The following ATP8B4 variants were observed in gnomAD, a reference collection of about 807,000 sequenced individuals.
ATP8B4 encodes the protein probable phospholipid-transporting ATPase IM.
A neutral mutation model predicts 145.6 loss-of-function variants in ATP8B4; 133 were observed. The ratio of observed to expected loss-of-function variants is 0.91; its 90% CI spans 0.79 to 1.05. ATP8B4 has a LOEUF of 1.05. Among genes scored for constraint, ATP8B4 ranks in the 50% least tolerant of loss-of-function variants. The pLI is 0.00. For missense variants in ATP8B4, 1,458 were observed against 1,425.2 expected (o/e 1.02, Z -0.37); for synonymous variants, 507 against 492.9 (o/e 1.03, Z -0.38).
intron 3 of ATP8B4, among the ~76,000 whole-genome samples, chr15:50,064,788 C>T (rs1271939701): frequency 6.6e-6 from 1 of 152,142 alleles, no homozygotes; most frequent in African/African-American, 2.4e-5. Context: ...CCTTAAGAAA[C>T]TTGCAATCAT....
At chr15:50,078,538 G>T (rs565715305) in intron 2 of ATP8B4, among the ~76,000 whole-genome samples, 8 of 151,484 alleles carry the variant, frequency 5.3e-5, no homozygotes, top group African/African-American at 1.5e-4. Flanking sequence ...ACAAACAGGA[G>T]GAAAATGTGA....
chr15:49,954,670 A>C (rs978356180), intron 14 of ATP8B4, among the ~76,000 whole-genome samples: 13 of 152,168 alleles, frequency 8.5e-5, no homozygotes, highest in African/African-American at 2.7e-4. Flanking sequence ...AAAATCAAAA[A>C]ACAACAGCCA....
chr15:50,147,090 T>C (rs2044286928), intron 1 of ATP8B4, among the ~76,000 whole-genome samples: 1 of 152,116 alleles, frequency 6.6e-6, no homozygotes, highest in South Asian at 2.1e-4. Flanking sequence ...GGTTACGAAG[T>C]TAGAGGTATC....
intron 6 of ATP8B4, among the ~76,000 whole-genome samples, chr15:50,013,964 A>C (rs1053789998): frequency 2.6e-5 from 4 of 152,182 alleles, no homozygotes; most frequent in South Asian, 2.1e-4. Context: ...TCACTAGACT[A>C]TTGCTTTCAG....
At chr15:50,134,190 T>C (rs1013437103) in intron 1 of ATP8B4, among the ~76,000 whole-genome samples, 1 of 150,340 alleles carries the variant, frequency 6.7e-6, no homozygotes, top group Non-Finnish European at 1.5e-5. Context: ...GAGAGGGAAA[T>C]GGAAAAAAAG....
chr15:50,119,752 C>CTTTTTTTTT (rs572570694), upstream of ATP8B4, among the ~76,000 whole-genome samples: 290 of 91,564 alleles, frequency 3.2e-3, 12 homozygotes, highest in African/African-American at 0.012. Flanking sequence ...GTTTTTGTCA[C>CTTTTTTTTT]TTTTTTTTTT....
chr15:50,156,144 A>ATG (rs1384046845), intron 1 of ATP8B4, among the ~76,000 whole-genome samples: 1 of 34,914 alleles, frequency 2.9e-5, no homozygotes, highest in Non-Finnish European at 5.8e-5. Context: ...ATATAAATAT[A>ATG]TATATATATA....
chr15:49,867,781 G>T (rs1048489334), intron 25 of ATP8B4, among the ~76,000 whole-genome samples: 4 of 152,134 alleles, frequency 2.6e-5, no homozygotes, highest in Non-Finnish European at 5.9e-5. Context: ...GTAAGAAGAT[G>T]CAATTAGGTC....
At chr15:50,118,007 G>C (rs146435437) in intron 1 of ATP8B4, among the ~76,000 whole-genome samples, 1 of 152,184 alleles carries the variant, frequency 6.6e-6, no homozygotes, top group Non-Finnish European at 1.5e-5. Flanking sequence ...GGAAGGGGAA[G>C]AGGAAGAAGG....
chr15:50,108,861 G>C lies in ATP8B4; in HGVS notation c.-42-1853C>G, dbSNP rs138954982. The stretch of plus-strand genomic sequence containing the variant: ...TCTTTTAGGACAAGGCTCCATAGCT[G>C]TATCTCCAGCATCTAATGCCTGTCT... On this transcript the variant is annotated intron_variant, in intron 1 of 27. Transcript: ENST00000284509. 1.7e-3 allele frequency among the ~76,000 whole-genome samples: 261 copies of C among 152,266 alleles called. 6 individuals carry two copies. Among genetic ancestry groups the C allele is most frequent in the East Asian group, 0.015 (79 of 5,188 alleles).
At chr15:50,018,730 C>T (rs754098916) in intron 6 of ATP8B4, among the ~76,000 whole-genome samples, 24 of 152,146 alleles carry the variant, frequency 1.6e-4, no homozygotes, top group South Asian at 4.1e-4. Context: ...TGAGCTCATC[C>T]GAAAACTATA....
At chr15:49,871,265 T>A (rs1270162704) in intron 25 of ATP8B4, among the ~76,000 whole-genome samples, 1 of 152,238 alleles carries the variant, frequency 6.6e-6, no homozygotes, top group African/African-American at 2.4e-5. Context: ...TATGGCACAG[T>A]ATCCAGTGTT....
At chr15:49,942,454 T>G (rs2042234306) in intron 14 of ATP8B4, among the ~76,000 whole-genome samples, 1 of 151,616 alleles carries the variant, frequency 6.6e-6, no homozygotes, top group Non-Finnish European at 1.5e-5. Context: ...TAAAATAACA[T>G]GGCAGTCTTC....
At chr15:50,050,951 C>T (rs967453043) in intron 3 of ATP8B4, among the ~76,000 whole-genome samples, 1 of 152,102 alleles carries the variant, frequency 6.6e-6, no homozygotes, top group Non-Finnish European at 1.5e-5. Context: ...CCTACACTGG[C>T]TCCTAGCCAT....
chr15:49,989,784 G>A (rs1407440997), intron 9 of ATP8B4, among the ~76,000 whole-genome samples: 1 of 151,998 alleles, frequency 6.6e-6, no homozygotes, highest in Non-Finnish European at 1.5e-5. Context: ...AGAAGTGCTC[G>A]GCTTCCCCTT....
intron 2 of ATP8B4, among the ~76,000 whole-genome samples, chr15:50,079,217 C>A (rs142651167): frequency 1.3e-5 from 2 of 151,890 alleles, no homozygotes; most frequent in Admixed American, 1.3e-4. Flanking sequence ...CTACTATGTA[C>A]TCACAAAAAT....
At chr15:50,138,326 G>GGTAGA (rs2044154929) in intron 1 of ATP8B4, among the ~76,000 whole-genome samples, 27 of 148,226 alleles carry the variant, frequency 1.8e-4, no homozygotes, top group African/African-American at 6.1e-4. Flanking sequence ...AGATAGATAG[G>GGTAGA]TAGATAGATA....
intron 3 of ATP8B4, among the ~76,000 whole-genome samples, chr15:50,067,346 G>C (rs2053450990): frequency 6.6e-6 from 1 of 152,086 alleles, no homozygotes; most frequent in South Asian, 2.1e-4. Context: ...TAAATAGTCT[G>C]TTCTCACCTA....
chr15:50,156,680 A>G (rs2140827386), intron 1 of ATP8B4, among the ~76,000 whole-genome samples: 1 of 152,312 alleles, frequency 6.6e-6, no homozygotes, highest in Non-Finnish European at 1.5e-5. Flanking sequence ...ACTGAGCTCT[A>G]CATTTTCCTT....
Sources: gnomAD v4.1 joint callset for allele counts (sites outside exome capture counted in the v4.1 genomes callset) on GRCh38, gnomAD v4.1.1 for gene constraint, MANE v1.5 for transcripts, NCBI Gene and HGNC (gene_info 2026-07-23, HGNC 2026-07-21) for gene names.